ZBTB20: variants seen among roughly 807,000 people sequenced by gnomAD.
The protein encoded by ZBTB20 is zinc finger and BTB domain-containing protein 20.
A neutral mutation model predicts 56.9 loss-of-function variants in ZBTB20; 9 were observed. That is an observed-to-expected ratio of 0.16 (90% CI 0.10 to 0.28). The LOEUF is 0.28. Among genes scored for constraint, ZBTB20 ranks in the 10% least tolerant of loss-of-function variants. ZBTB20 has a pLI of 1.00. For synonymous variants in ZBTB20, 417 were observed against 420.7 expected, an observed-to-expected ratio of 0.99 and a Z score of 0.11; for missense variants, 655 against 1,003.0, an observed-to-expected ratio of 0.65 and a Z score of 4.69.
chr3:114,967,178 C>T (rs1287872664), intron 3 of ZBTB20, among the ~76,000 whole-genome samples: 6 of 152,012 alleles, frequency 3.9e-5, no homozygotes, highest in Non-Finnish European at 7.4e-5. Flanking sequence ...AATTTAGCAA[C>T]AAAGAACACA....
At chr3:114,748,279 CTTCTTTCTTTCTTTCTTTCTTTCT>C (rs147900859) in intron 5 of ZBTB20, among the ~76,000 whole-genome samples, 5 of 104,534 alleles carry the variant, frequency 4.8e-5, no homozygotes, top group South Asian at 3.6e-4. Flanking sequence ...TTTGTTGTAG[CTTCTTTCTTTCTTTCTTTCTTTCT>C]TTCTTTCTTT....
At chr3:114,562,423 A>G (rs1430166076) in intron 6 of ZBTB20, among the ~76,000 whole-genome samples, 19 of 152,112 alleles carry the variant, frequency 1.2e-4, no homozygotes, top group Admixed American at 1.2e-3. Context: ...TTGGCCTCCA[A>G]AAGTGCTGGG....
chr3:115,044,649 C>T (rs189060172), intron 2 of ZBTB20, among the ~76,000 whole-genome samples: 1 of 152,292 alleles, frequency 6.6e-6, no homozygotes, highest in Admixed American at 6.5e-5. Context: ...CATACCAATG[C>T]CAGAGCCCTG....
intron 5 of ZBTB20, among the ~76,000 whole-genome samples, chr3:114,787,634 T>C (rs1195195083): frequency 1.3e-5 from 2 of 151,832 alleles, no homozygotes; most frequent in African/African-American, 2.4e-5. Context: ...ATTCTGATAG[T>C]GGTGGTGGTG....
At chr3:114,806,808 G>C (rs919275091) in intron 4 of ZBTB20, among the ~76,000 whole-genome samples, 15 of 151,916 alleles carry the variant, frequency 9.9e-5, no homozygotes, top group Non-Finnish European at 1.6e-4. Flanking sequence ...TCCTAGGTTC[G>C]TGAATATTCA....
intron 5 of ZBTB20, among the ~76,000 whole-genome samples, chr3:114,731,729 ACCC>A (rs2065764524): frequency 6.6e-6 from 1 of 152,114 alleles, no homozygotes; most frequent in African/African-American, 2.4e-5. Flanking sequence ...TTAGTAACTA[ACCC>A]GGCTGTACCT....
intron 6 of ZBTB20, among the ~76,000 whole-genome samples, chr3:114,578,114 TAAG>T (rs1194075178): frequency 6.6e-6 from 1 of 151,600 alleles, no homozygotes. Flanking sequence ...AGAAATAAAA[TAAG>T]AATAGGTGAA....
At chr3:114,820,323 T>C (rs1455234495) in intron 4 of ZBTB20, among the ~76,000 whole-genome samples, 1 of 152,002 alleles carries the variant, frequency 6.6e-6, no homozygotes, top group Non-Finnish European at 1.5e-5. Flanking sequence ...ATAAAATTAA[T>C]GCTAAGTGAA....
intron 4 of ZBTB20, among the ~76,000 whole-genome samples, chr3:114,817,228 CACAT>C (rs1030531266): frequency 2.2e-5 from 3 of 136,390 alleles, no homozygotes; most frequent in Non-Finnish European, 4.9e-5. Flanking sequence ...CACACACACA[CACAT>C]AATAAATTGG....
At chr3:115,012,220 A>G (rs1454518898) in intron 2 of ZBTB20, among the ~76,000 whole-genome samples, 7 of 151,662 alleles carry the variant, frequency 4.6e-5, no homozygotes, top group Non-Finnish European at 8.9e-5. Context: ...ACTTATCAAG[A>G]ATACATTGAA....
intron 3 of ZBTB20, among the ~76,000 whole-genome samples, chr3:114,970,623 A>ATGCATT (rs1432981126): frequency 6.6e-6 from 1 of 152,220 alleles, no homozygotes; most frequent in African/African-American, 2.4e-5. Context: ...ACTGGTACGT[A>ATGCATT]AGTTATGCAT....
At chr3:114,929,106 C>T (rs1576350827) in intron 3 of ZBTB20, among the ~76,000 whole-genome samples, 1 of 152,334 alleles carries the variant, frequency 6.6e-6, no homozygotes, top group Non-Finnish European at 1.5e-5. Context: ...GAGGTAAGTA[C>T]TATGATAGAG....
At chr3:114,746,218 G>C (rs759199706) in intron 5 of ZBTB20, among the ~76,000 whole-genome samples, 2 of 152,108 alleles carry the variant, frequency 1.3e-5, no homozygotes, top group Non-Finnish European at 2.9e-5. Flanking sequence ...TATCAATTCT[G>C]TGTTACTGGT....
In ZBTB20 at chr3:114,351,505, G is replaced by A. The variant is rs1037374870; in HGVS notation, c.573C>T (p.Arg191=). Residue 191 remains arginine, a synonymous_variant, in exon 11 of 12, where the codon CGC becomes CGT. Coordinates refer to ENST00000675478, the MANE Select transcript of ZBTB20 (RefSeq NM_001348800.3). ...CATCGCCCACGTTCTGTGACACGATGCGCGTGCACTCGTCGATGACTGTTT... is the reference window on the plus strand; with the variant it reads ...CATCGCCCACGTTCTGTGACACGATACGCGTGCACTCGTCGATGACTGTTT... The part of the protein sequence containing the change: ...QIKTVIDECT[R]IVSQNVGDVF... 1 of 1,613,906 alleles carries A rather than the reference G, an allele frequency of 6.2e-7. No individual in the cohort carries two copies. Among genetic ancestry groups the A allele is most frequent in the African/African-American group, 1.3e-5 (1 of 74,934 alleles).
chr3:114,750,365 G>T (rs1213842067), intron 5 of ZBTB20, among the ~76,000 whole-genome samples: 3 of 152,088 alleles, frequency 2.0e-5, no homozygotes, highest in African/African-American at 7.2e-5. Flanking sequence ...AGCCTCATCG[G>T]ACTGTAGGTG....
At chr3:114,384,509 G>T (rs2084847349) in intron 8 of ZBTB20, among the ~76,000 whole-genome samples, 1 of 150,796 alleles carries the variant, frequency 6.6e-6, no homozygotes, top group Non-Finnish European at 1.5e-5. Flanking sequence ...GCAGGCACCC[G>T]CCTTTCAACG....
chr3:114,763,682 T>C (rs2068594487), intron 5 of ZBTB20, among the ~76,000 whole-genome samples: 1 of 152,156 alleles, frequency 6.6e-6, no homozygotes, highest in African/African-American at 2.4e-5. Context: ...AAATAGAGAT[T>C]ATTACAAAAT....
chr3:114,600,551 C>A (rs2056681034), intron 6 of ZBTB20, among the ~76,000 whole-genome samples: 1 of 151,992 alleles, frequency 6.6e-6, no homozygotes, highest in Admixed American at 6.6e-5. Flanking sequence ...ATGTGAGATT[C>A]TCAATCAGAT....
At chr3:114,975,498 G>T (rs139136579) in intron 2 of ZBTB20, among the ~76,000 whole-genome samples, 29 of 152,154 alleles carry the variant, frequency 1.9e-4, no homozygotes, top group African/African-American at 6.0e-4. Context: ...CAGTATTTTT[G>T]CAAACAACAA....
Sources: allele counts gnomAD v4.1 joint callset (sites outside exome capture counted in the v4.1 genomes callset), GRCh38; gene constraint gnomAD v4.1.1; transcripts MANE v1.5; gene names NCBI Gene and HGNC (gene_info 2026-07-23, HGNC 2026-07-21).